Variants in UNC79 observed in about 807,000 individuals in gnomAD.
The protein encoded by UNC79 is unc-79 subunit of NALCN channel complex, also known as protein unc-79 homolog.
In UNC79, 37 loss-of-function variants were observed where a neutral mutation model predicts 283.1. That is an observed-to-expected ratio of 0.13 (90% CI 0.10 to 0.17). The LOEUF (loss-of-function observed/expected upper bound fraction) is 0.17. UNC79 is among the 10% of genes least tolerant of loss of function. The pLI is 1.00. For missense variants in UNC79, 2,272 were observed against 3,211.1 expected, an observed-to-expected ratio of 0.71 and a Z score of 7.07; for synonymous variants, 1,107 against 1,200.2, an observed-to-expected ratio of 0.92 and a Z score of 1.61.
chr14:93,608,314 G>A (rs1205120763), intron 26 of UNC79, among the ~76,000 whole-genome samples: 3 of 152,230 alleles, frequency 2.0e-5, no homozygotes, highest in African/African-American at 4.8e-5. Context: ...GTGACAGTAC[G>A]TAGGATGAGT....
In UNC79 at chr14:93,633,324, A is replaced by G. The variant is rs2068198647; in HGVS notation, c.5716+2416A>G. 1.3e-5 allele frequency among the ~76,000 whole-genome samples: 2 copies of G among 152,192 alleles called. 1 individual carries two copies. Among genetic ancestry groups the G allele is most frequent in the Admixed American group, 1.3e-4 (2 of 15,278 alleles). ...CTTTTGATCAGTTTATCAGCTGGTT[A>G]TTTCGTAGCTAAACGTGTTGTGACC... On this transcript the variant is annotated intron_variant, in intron 31 of 48. Coordinates refer to ENST00000555664, the Ensembl canonical transcript of UNC79.
intron 15 of UNC79, 88 bp from the exon 16 acceptor site, chr14:93,572,605 A>G: frequency 6.4e-7 from 1 of 1,560,798 alleles, no homozygotes; most frequent in Non-Finnish European, 8.7e-7. Flanking sequence ...GGCTCTCCAA[A>G]TAGGGAATAG....
intron 20 of UNC79, among the ~76,000 whole-genome samples, chr14:93,582,849 C>T (rs950852578): frequency 1.3e-5 from 2 of 152,056 alleles, no homozygotes; most frequent in African/African-American, 2.4e-5. Flanking sequence ...GCTCAGGAAT[C>T]GTACTCTAGC....
At chr14:93,503,000 C>T (rs1166262010) in intron 7 of UNC79, among the ~76,000 whole-genome samples, 1 of 152,082 alleles carries the variant, frequency 6.6e-6, no homozygotes, top group Non-Finnish European at 1.5e-5. Flanking sequence ...TGTTTTAAAA[C>T]TTTTTTACCT....
At chr14:93,407,945 T>C (rs1006006849) in intron 1 of UNC79, among the ~76,000 whole-genome samples, 11 of 152,186 alleles carry the variant, frequency 7.2e-5, no homozygotes, top group Non-Finnish European at 1.0e-4. Context: ...CCTACAGTTA[T>C]AGCCAACATT....
Position 93,487,595 on chromosome 14 carries a change from G to T in UNC79, c.620-68G>T, listed in dbSNP as rs534208123. 5 of 1,309,728 alleles carry T rather than the reference G, an allele frequency of 3.8e-6. No homozygotes were observed. The East Asian group carries it at 1.2e-4, about 31-fold the overall frequency. The allele number at this position is 1,309,728 out of a possible 1,614,324, so 81.1% of individuals were successfully genotyped here. On this transcript the variant is annotated intron_variant, in intron 4 of 48. Transcript: ENST00000555664. ...TTTAAAGTTCCTTCTTATCTCTCAT[G>T]CTCTGTGCAAAGTAACAGGTATATG...
chr14:93,565,010 G>T (rs1483146948), intron 14 of UNC79, among the ~76,000 whole-genome samples: 1 of 152,138 alleles, frequency 6.6e-6, no homozygotes, highest in Non-Finnish European at 1.5e-5. Context: ...GTGCCTACGG[G>T]TCCAAACCCA....
chr14:93,679,671 T>C (rs1232552809), intron 41 of UNC79, among the ~76,000 whole-genome samples: 1 of 152,172 alleles, frequency 6.6e-6, no homozygotes, highest in Non-Finnish European at 1.5e-5. Context: ...TTAATATTAG[T>C]TGAGTTCGTA....
At chr14:93,491,027 C>T (rs1320676972) in intron 5 of UNC79, among the ~76,000 whole-genome samples, 1 of 152,146 alleles carries the variant, frequency 6.6e-6, no homozygotes, top group Non-Finnish European at 1.5e-5. Flanking sequence ...GCTGGGAAGT[C>T]CAAAATCAAG....
At chr14:93,472,173 A>G (rs1160608110) in intron 2 of UNC79, among the ~76,000 whole-genome samples, 2 of 152,174 alleles carry the variant, frequency 1.3e-5, no homozygotes, top group Non-Finnish European at 2.9e-5. Context: ...GGGAAATAAT[A>G]TCTCTGACTT....
At chr14:93,618,113 A>T (rs1211560176) in intron 28 of UNC79, 79 bp from the exon 30 acceptor site, 17 of 1,479,072 alleles carry the variant, frequency 1.1e-5, no homozygotes, top group Non-Finnish European at 1.5e-5. Context: ...TACTGCAAAA[A>T]GTATCCAGCA....
At chr14:93,620,188 T>A (rs2067023772) in intron 29 of UNC79, among the ~76,000 whole-genome samples, 2 of 152,262 alleles carry the variant, frequency 1.3e-5, no homozygotes, top group African/African-American at 4.8e-5. Flanking sequence ...TAGTTACACG[T>A]GGTAAGCGCC....
chr14:93,365,242 G>A lies in UNC79; in HGVS notation c.-351+31719G>A, dbSNP rs144043120. On this transcript the variant is annotated intron_variant, in intron 1 of 49. Coordinates refer to the UNC79 transcript ENST00000256339. ...CTATACTAAAAATACAAAAATTAGC[G>A]GGTTGTGGTGGCAGGTGCCTATAAT... 4.9e-3 allele frequency among the ~76,000 whole-genome samples: 750 copies of A among 151,922 alleles called. 4 individuals are homozygous for A. Among genetic ancestry groups the A allele is most frequent in the African/African-American group, 0.017 (693 of 41,448 alleles).
chr14:93,422,357 A>T (rs1464086086), intron 1 of UNC79, among the ~76,000 whole-genome samples: 1 of 147,362 alleles, frequency 6.8e-6, no homozygotes, highest in Non-Finnish European at 1.5e-5. Context: ...GTGGAGACCA[A>T]AGCTTATCAT....
intron 7 of UNC79, among the ~76,000 whole-genome samples, chr14:93,497,555 A>T (rs1396265548): frequency 2.0e-5 from 3 of 152,178 alleles, no homozygotes; most frequent in Non-Finnish European, 4.4e-5. Flanking sequence ...GCTACCATTA[A>T]TCACTCCACA....
chr14:93,352,155 A>G (rs931821872), intron 1 of UNC79, among the ~76,000 whole-genome samples: 11 of 152,314 alleles, frequency 7.2e-5, no homozygotes, highest in South Asian at 2.1e-4. Context: ...CTTAAGATCT[A>G]TCTTCGCTGT....
chr14:93,437,473 C>T (rs1162031235), intron 1 of UNC79: 1 of 152,116 alleles, frequency 6.6e-6, no homozygotes, highest in Non-Finnish European at 1.5e-5. Context: ...GCATATCATT[C>T]TAATATTTTC....
At chr14:93,670,018 G>A (rs1366895193) in intron 40 of UNC79, among the ~76,000 whole-genome samples, 2 of 152,266 alleles carry the variant, frequency 1.3e-5, no homozygotes, top group African/African-American at 2.4e-5. Context: ...GATTATGAAA[G>A]GATTAAGATA....
At chr14:93,673,997 G>A (rs897616740) in intron 41 of UNC79, among the ~76,000 whole-genome samples, 10 of 152,146 alleles carry the variant, frequency 6.6e-5, no homozygotes, top group African/African-American at 2.4e-4. Flanking sequence ...CCACTATAAG[G>A]CAGGCTTTCG....
Sources: gnomAD v4.1 joint callset for allele counts (sites outside exome capture counted in the v4.1 genomes callset) on GRCh38, gnomAD v4.1.1 for gene constraint, MANE v1.5 for transcripts, NCBI Gene and HGNC (gene_info 2026-07-23, HGNC 2026-07-21) for gene names.